Variants in C12orf42 observed in about 807,000 individuals in gnomAD.
The protein encoded by C12orf42 is uncharacterized protein C12orf42.
C12orf42 carries 25 observed loss-of-function variants against 21.6 expected under a neutral mutation model. The ratio of observed to expected loss-of-function variants is 1.16; its 90% CI spans 0.84 to 1.62. The LOEUF (loss-of-function observed/expected upper bound fraction) is 1.62. Among genes scored for constraint, C12orf42 ranks in the 40% most tolerant of loss-of-function variants. C12orf42 has a pLI of 0.00. For missense variants in C12orf42, 483 were observed against 459.3 expected (o/e 1.05, Z -0.47); for synonymous variants, 174 against 175.0 (o/e 0.99, Z 0.05).
the C12orf42 span, among the ~76,000 whole-genome samples, chr12:103,511,280 T>C: frequency 6.6e-6 from 1 of 151,954 alleles, no homozygotes; most frequent in Admixed American, 6.6e-5. Context: ...ATTCCAGTGG[T>C]ATTTGGAAAG....
At chr12:103,217,185 G>T in the C12orf42 span, among the ~76,000 whole-genome samples, 88 of 152,074 alleles carry the variant, frequency 5.8e-4, no homozygotes, top group Non-Finnish European at 1.0e-3. Context: ...TAAAATTCTG[G>T]TCCAGAACAC....
At chr12:103,321,791 C>T (rs1436262567) in intron 4 of C12orf42, among the ~76,000 whole-genome samples, 1 of 150,108 alleles carries the variant, frequency 6.7e-6, no homozygotes, top group East Asian at 2.0e-4. Context: ...CACATATTCT[C>T]ACTCATAGGT....
downstream of C12orf42, among the ~76,000 whole-genome samples, chr12:103,236,794 G>C (rs1382033972): frequency 1.3e-5 from 2 of 152,050 alleles, no homozygotes; most frequent in African/African-American, 4.8e-5. Flanking sequence ...TTTAAGGGGG[G>C]CTTTCATGCT....
the C12orf42 span, among the ~76,000 whole-genome samples, chr12:103,544,066 T>G: frequency 3.0e-4 from 46 of 151,980 alleles, no homozygotes; most frequent in Middle Eastern, 3.4e-3. Context: ...GCTAATTTTG[T>G]TTTTATATTT....
At chr12:103,108,874 C>G in the C12orf42 span, among the ~76,000 whole-genome samples, 1 of 152,072 alleles carries the variant, frequency 6.6e-6, no homozygotes, top group Non-Finnish European at 1.5e-5. Context: ...CTACAAATTA[C>G]CTATGAATAA....
intron 2 of C12orf42, among the ~76,000 whole-genome samples, chr12:103,432,838 C>T (rs1304854791): frequency 6.6e-6 from 1 of 152,126 alleles, no homozygotes; most frequent in Admixed American, 6.6e-5. Flanking sequence ...AAGACAGAGG[C>T]CTCAGAAGGA....
the C12orf42 span, among the ~76,000 whole-genome samples, chr12:103,555,360 C>T: frequency 6.6e-6 from 1 of 152,136 alleles, no homozygotes; most frequent in Non-Finnish European, 1.5e-5. Context: ...ACCATCAGAT[C>T]TCATGAGACT....
At chr12:103,484,110 C>T (rs143211498) in intron 1 of C12orf42, among the ~76,000 whole-genome samples, 82 of 152,156 alleles carry the variant, frequency 5.4e-4, no homozygotes, top group African/African-American at 1.6e-3. Flanking sequence ...TGAATAGTGC[C>T]GCAATAATCA....
the C12orf42 span, among the ~76,000 whole-genome samples, chr12:103,523,141 G>A: frequency 3.9e-5 from 6 of 152,306 alleles, no homozygotes; most frequent in Admixed American, 2.0e-4. Flanking sequence ...CTCTTTTAAA[G>A]ATGCTCATCT....
chr12:103,196,831 T>C, the C12orf42 span, among the ~76,000 whole-genome samples: 1 of 152,156 alleles, frequency 6.6e-6, no homozygotes, highest in Admixed American at 6.5e-5. Context: ...GAGGGTCTCA[T>C]GAAGATAATA....
chr12:103,287,146 C>T (rs557259791), intron 4 of C12orf42, among the ~76,000 whole-genome samples: 27 of 152,288 alleles, frequency 1.8e-4, no homozygotes, highest in Admixed American at 7.8e-4. Context: ...GTCGGTGTGG[C>T]GATTCCTCTG....
the C12orf42 span, among the ~76,000 whole-genome samples, chr12:103,515,025 G>A: frequency 6.6e-6 from 1 of 152,248 alleles, no homozygotes; most frequent in Non-Finnish European, 1.5e-5. Context: ...CATCTAATGG[G>A]TGGAGGCCAG....
chr12:103,118,083 A>AGT, the C12orf42 span, among the ~76,000 whole-genome samples: 1 of 152,192 alleles, frequency 6.6e-6, no homozygotes, highest in African/African-American at 2.4e-5. Flanking sequence ...TAAGTAAGCT[A>AGT]GTGTTTTCGT....
At chr12:103,424,549 C>T (rs1289164869) in intron 2 of C12orf42, among the ~76,000 whole-genome samples, 1 of 152,180 alleles carries the variant, frequency 6.6e-6, no homozygotes, top group Non-Finnish European at 1.5e-5. Context: ...CAGGGCAACA[C>T]CTCACCCGGG....
intron 4 of C12orf42, among the ~76,000 whole-genome samples, chr12:103,356,171 TTCCTCCCTTTTATGCC>T (rs2043530805): frequency 6.6e-6 from 1 of 152,080 alleles, no homozygotes; most frequent in Non-Finnish European, 1.5e-5. Flanking sequence ...GCTTCTCAGC[TTCCTCCCTTTTATGCC>T]TCCTCCCTTC....
chr12:103,089,101 CAAAAAAAAAAAAA>C, the C12orf42 span, among the ~76,000 whole-genome samples: 18 of 54,850 alleles, frequency 3.3e-4, no homozygotes, highest in South Asian at 0.018. Context: ...GACTCCATCT[CAAAAAAAAAAAAA>C]AAAAAAAAAA....
At chr12:103,185,814 G>A in the C12orf42 span, among the ~76,000 whole-genome samples, 6 of 152,156 alleles carry the variant, frequency 3.9e-5, no homozygotes, top group Middle Eastern at 3.4e-3. Flanking sequence ...TTCACCTCCC[G>A]CCGTGATTCT....
intron 2 of C12orf42, among the ~76,000 whole-genome samples, chr12:103,440,469 A>AAAAAAAAAAAAAAAAAAC (rs1951143713): frequency 6.8e-6 from 1 of 146,082 alleles, no homozygotes. Context: ...AAAAAAAAAA[A>AAAAAAAAAAAAAAAAAAC]AAAAAAAAAA....
the C12orf42 span, among the ~76,000 whole-genome samples, chr12:103,546,803 T>C: frequency 6.6e-6 from 1 of 152,116 alleles, no homozygotes; most frequent in Non-Finnish European, 1.5e-5. Flanking sequence ...TTTCTGACCC[T>C]CCCCTAATGC....
Sources: gnomAD v4.1 joint callset for allele counts (sites outside exome capture counted in the v4.1 genomes callset) on GRCh38, gnomAD v4.1.1 for gene constraint, MANE v1.5 for transcripts, NCBI Gene and HGNC (gene_info 2026-07-23, HGNC 2026-07-21) for gene names.